CCSER1: variants seen among roughly 807,000 people sequenced by gnomAD.
The protein encoded by CCSER1 is serine-rich coiled-coil domain-containing protein 1.
CCSER1 carries 41 observed loss-of-function variants against 82.0 expected under a neutral mutation model. That is an observed-to-expected ratio of 0.50 (90% CI 0.39 to 0.65). CCSER1 has a LOEUF of 0.65. Among genes scored for constraint, CCSER1 ranks in the 30% least tolerant of loss-of-function variants. The pLI, the probability that CCSER1 is intolerant of heterozygous loss-of-function variation, is 0.00. For missense variants in CCSER1, 1,119 were observed against 1,064.2 expected (o/e 1.05, Z -0.72); for synonymous variants, 414 against 383.9 (o/e 1.08, Z -0.92).
At chr4:90,463,575 GGTT>G (rs1763233477) in intron 4 of CCSER1, among the ~76,000 whole-genome samples, 1 of 152,094 alleles carries the variant, frequency 6.6e-6, no homozygotes, top group Non-Finnish European at 1.5e-5. Flanking sequence ...TTTATCAGCG[GGTT>G]GTTATGTGGT....
At chr4:91,522,013 G>T (rs1012908840) in intron 10 of CCSER1, among the ~76,000 whole-genome samples, 1 of 152,112 alleles carries the variant, frequency 6.6e-6, no homozygotes, top group Non-Finnish European at 1.5e-5. Context: ...TATGGTTTTA[G>T]GTCTAACATT....
intron 4 of CCSER1, among the ~76,000 whole-genome samples, chr4:90,408,493 A>G (rs939233527): frequency 1.1e-4 from 16 of 152,344 alleles, no homozygotes; most frequent in African/African-American, 3.6e-4. Context: ...ACTGTTCTGC[A>G]GCCACCACTG....
At chr4:90,265,250 A>G (rs1226053567) in intron 1 of CCSER1, among the ~76,000 whole-genome samples, 1 of 151,808 alleles carries the variant, frequency 6.6e-6, no homozygotes, top group Non-Finnish European at 1.5e-5. Context: ...GGAATTCAGT[A>G]TGTATTTTTA....
At chr4:90,862,358 A>G (rs906897338) in intron 8 of CCSER1, among the ~76,000 whole-genome samples, 3 of 151,784 alleles carry the variant, frequency 2.0e-5, no homozygotes, top group African/African-American at 7.2e-5. Context: ...CTCAAATGAA[A>G]GTCAATTACT....
intron 7 of CCSER1, among the ~76,000 whole-genome samples, chr4:90,778,884 A>G (rs562653481): frequency 1.9e-3 from 287 of 152,314 alleles, no homozygotes; most frequent in African/African-American, 6.4e-3. Context: ...AAATTGCTTC[A>G]GACAGTATCT....
intron 10 of CCSER1, among the ~76,000 whole-genome samples, chr4:91,248,944 G>C (rs546380007): frequency 6.6e-6 from 1 of 152,104 alleles, no homozygotes; most frequent in Admixed American, 6.5e-5. Flanking sequence ...AAAATGAAAA[G>C]GTTCCCTGAC....
intron 3 of CCSER1, among the ~76,000 whole-genome samples, chr4:90,394,854 G>A (rs979381622): frequency 1.3e-5 from 2 of 152,048 alleles, no homozygotes; most frequent in African/African-American, 2.4e-5. Flanking sequence ...TTTGATATAT[G>A]TGTACACTGT....
rs1354701499 is a variant in CCSER1, at chr4:91,605,020, G to T, written c.*5963G>T. The T allele has an allele frequency of 6.6e-6, 1 of 151,596 alleles. No homozygotes were observed. The highest frequency in any genetic ancestry group is 2.4e-5 in the African/African-American group (1 of 41,238). The allele number at this position is 151,596 out of a possible 1,614,324, so 9.4% of individuals were successfully genotyped here. Reference sequence around the variant, plus strand: ...ATATGGGTTTGAGATTATTAACATTGATAATAGTTTTTTTAATTCATCATC... The same window carrying T: ...ATATGGGTTTGAGATTATTAACATTTATAATAGTTTTTTTAATTCATCATC... On this transcript the variant is annotated 3_prime_UTR_variant, in exon 11 of 11. Coordinates refer to ENST00000509176, the MANE Select transcript of CCSER1 (RefSeq NM_001145065.2).
chr4:90,645,646 C>T (rs1456566297), intron 6 of CCSER1, among the ~76,000 whole-genome samples: 1 of 152,156 alleles, frequency 6.6e-6, no homozygotes, highest in Non-Finnish European at 1.5e-5. Flanking sequence ...TTTAACTTAA[C>T]TCTTGGTTTA....
intron 8 of CCSER1, among the ~76,000 whole-genome samples, chr4:90,886,098 T>C (rs1722081631): frequency 6.6e-6 from 1 of 152,124 alleles, no homozygotes; most frequent in Admixed American, 6.5e-5. Context: ...ATGATCAAAG[T>C]CTCAAAGGTG....
intron 9 of CCSER1, among the ~76,000 whole-genome samples, chr4:91,084,579 C>T (rs1260394785): frequency 1.3e-5 from 2 of 152,110 alleles, no homozygotes; most frequent in African/African-American, 2.4e-5. Context: ...AGCATGAATA[C>T]TACTTCAGAA....
intron 10 of CCSER1, among the ~76,000 whole-genome samples, chr4:91,114,338 C>A (rs1726363475): frequency 6.6e-6 from 1 of 152,038 alleles, no homozygotes; most frequent in Non-Finnish European, 1.5e-5. Flanking sequence ...CTATAGATAC[C>A]AATTATGTTG....
intron 5 of CCSER1, among the ~76,000 whole-genome samples, chr4:90,599,755 T>C (rs1783816013): frequency 6.6e-6 from 1 of 152,180 alleles, no homozygotes; most frequent in South Asian, 2.1e-4. Context: ...ATGCAGCTGC[T>C]TATTCATTAG....
chr4:90,758,098 C>T (rs1283571691), intron 7 of CCSER1, among the ~76,000 whole-genome samples: 1 of 152,046 alleles, frequency 6.6e-6, no homozygotes, highest in Admixed American at 6.6e-5. Context: ...GCCACCACAC[C>T]TGGCTAACTT....
At chr4:90,715,485 G>A (rs1218150659) in intron 6 of CCSER1, among the ~76,000 whole-genome samples, 3 of 151,936 alleles carry the variant, frequency 2.0e-5, no homozygotes, top group Admixed American at 2.0e-4. Flanking sequence ...TTAGTAATTG[G>A]AATTGTATCA....
intron 5 of CCSER1, among the ~76,000 whole-genome samples, chr4:90,496,780 C>T (rs781130627): frequency 6.6e-6 from 1 of 151,558 alleles, no homozygotes; most frequent in African/African-American, 2.4e-5. Context: ...AGATCAAGAC[C>T]ATCCTGGCCA....
At chr4:91,283,285 T>G (rs988383726) in intron 10 of CCSER1, among the ~76,000 whole-genome samples, 4 of 152,174 alleles carry the variant, frequency 2.6e-5, no homozygotes. Flanking sequence ...TAATAACTTT[T>G]TTCCCTTTAT....
intron 1 of CCSER1, among the ~76,000 whole-genome samples, chr4:90,182,221 A>G: frequency 6.6e-6 from 1 of 152,154 alleles, no homozygotes; most frequent in East Asian, 1.9e-4. Context: ...ATTATGAAAT[A>G]TGACTTCTTA....
intron 9 of CCSER1, among the ~76,000 whole-genome samples, chr4:91,069,767 G>A (rs976085789): frequency 2.6e-5 from 4 of 152,116 alleles, no homozygotes; most frequent in African/African-American, 7.2e-5. Flanking sequence ...GAGATTTGAA[G>A]GGCAAAGGGA....
Sources: gnomAD v4.1 joint callset for allele counts (sites outside exome capture counted in the v4.1 genomes callset) on GRCh38, gnomAD v4.1.1 for gene constraint, MANE v1.5 for transcripts, NCBI Gene and HGNC (gene_info 2026-07-23, HGNC 2026-07-21) for gene names.